Variants in GALNTL6 observed in about 807,000 individuals in gnomAD.
GALNTL6 encodes the protein polypeptide N-acetylgalactosaminyltransferase like 6.
GALNTL6 carries 46 observed loss-of-function variants against 73.7 expected under a neutral mutation model. The observed-to-expected ratio is 0.62, with a 90% CI of 0.49 to 0.80. GALNTL6 has a LOEUF of 0.80. Ranked by LOEUF, GALNTL6 falls within the 30% of genes least tolerant of loss-of-function variation. The probability of loss-of-function intolerance (pLI) is 0.00; values close to 1 mark genes in which losing one functional copy is unlikely to be tolerated. For missense variants in GALNTL6, 604 were observed against 755.0 expected (o/e 0.80, Z 2.34); for synonymous variants, 259 against 263.7 (o/e 0.98, Z 0.17).
chr4:172,041,822 C>A (rs780346316), intron 2 of GALNTL6, among the ~76,000 whole-genome samples: 16 of 151,940 alleles, frequency 1.1e-4, no homozygotes, highest in Non-Finnish European at 1.5e-4. Context: ...GTTTTTGTAT[C>A]CTCTCCTTGA....
At chr4:172,300,785 G>C (rs62329867) in intron 3 of GALNTL6, among the ~76,000 whole-genome samples, 22 of 152,016 alleles carry the variant, frequency 1.4e-4, no homozygotes, top group Non-Finnish European at 2.4e-4. Flanking sequence ...ACCTTTCTCT[G>C]TGGCTGCCCT....
intron 4 of GALNTL6, among the ~76,000 whole-genome samples, chr4:172,339,664 C>G (rs1741491543): frequency 6.6e-6 from 1 of 152,204 alleles, no homozygotes; most frequent in African/African-American, 2.4e-5. Context: ...CTGAGTTTCT[C>G]CAAGCCTCTC....
At position 172,081,632 on chromosome 4, in the gene GALNTL6, G is replaced by A. The variant is rs183125403; in HGVS notation, c.139-148024G>A. Reference sequence around the variant, plus strand: ...CAGCCTGGTGACAGAGCAAGACTCCGTTTCAAAAATAATAACAAATTTTAA... The same window carrying A: ...CAGCCTGGTGACAGAGCAAGACTCCATTTCAAAAATAATAACAAATTTTAA... On this transcript the variant is annotated intron_variant, in intron 2 of 12. Coordinates refer to ENST00000506823, the MANE Select transcript of GALNTL6 (RefSeq NM_001034845.3). Among the ~76,000 whole-genome samples, 10 of 152,194 alleles carry A rather than the reference G, an allele frequency of 6.6e-5. No individual in the cohort carries two copies. In the East Asian group the frequency reaches 1.2e-3, roughly 18 times the overall value.
chr4:172,840,766 T>C (rs1413654008), intron 7 of GALNTL6, among the ~76,000 whole-genome samples: 4 of 152,166 alleles, frequency 2.6e-5, no homozygotes, highest in Non-Finnish European at 5.9e-5. Flanking sequence ...GAGACAAAGA[T>C]ATGTGCTATC....
chr4:172,967,269 G>C (rs908426386), intron 10 of GALNTL6, among the ~76,000 whole-genome samples: 2 of 152,166 alleles, frequency 1.3e-5, no homozygotes, highest in Non-Finnish European at 2.9e-5. Flanking sequence ...TTTGTGTTGA[G>C]ATTTTATTGC....
rs141917618 is a variant in GALNTL6, at chr4:172,809,661, G to GGAA, written c.739+117_739+119dup. ...AGGTCCCTTCTACAAGTTTTCCAGGGGAAGCCTTGAATTTTATATTTACCA... is the reference window on the plus strand; with the variant it reads ...AGGTCCCTTCTACAAGTTTTCCAGGGGAAGAAGCCTTGAATTTTATATTTACCA... On this transcript the variant is annotated intron_variant, in intron 6 of 12. Transcript: ENST00000506823. The surrounding 1 kb of genome is among the most constrained non-coding windows in gnomAD (Gnocchi z 4.4). 2,912 of 739,634 alleles carry GGAA rather than the reference G, an allele frequency of 3.9e-3. 62 individuals carry two copies. In the African/African-American group the frequency reaches 0.045, roughly 11 times the overall value. 45.8% of individuals were successfully genotyped at this position (739,634 alleles called of 1,614,324 possible). A position where few individuals can be genotyped will look rare whatever the true frequency, so the allele number is the denominator to read the frequency against.
At chr4:172,851,579 C>T (rs1743822214) in intron 7 of GALNTL6, among the ~76,000 whole-genome samples, 1 of 152,048 alleles carries the variant, frequency 6.6e-6, no homozygotes, top group African/African-American at 2.4e-5. Context: ...GCCAGGATCA[C>T]ATATTTATTA....
rs1741952884 is a variant in GALNTL6 at position 172,037,254 on chromosome 4, T to C, written c.139-192402T>C. ...TTTATACATGGGTTGTTTAGGATAA[T>C]TAAAAAAATCAATAAACTGCTGAGA... is the stretch of plus-strand genomic sequence containing the variant. On this transcript the variant is annotated intron_variant, in intron 2 of 12. Transcript: ENST00000506823. 2.0e-5 allele frequency among the ~76,000 whole-genome samples: 3 copies of C among 152,260 alleles called. No homozygotes were observed. The South Asian group carries it at 6.2e-4, about 32-fold the overall frequency.
At chr4:171,927,602 C>T (rs1738028745) in intron 2 of GALNTL6, among the ~76,000 whole-genome samples, 1 of 152,016 alleles carries the variant, frequency 6.6e-6, no homozygotes, top group African/African-American at 2.4e-5. Context: ...AGCCTTGGCA[C>T]CCCTTAGTCC....
At chr4:172,700,545 G>A (rs1468463553) in intron 5 of GALNTL6, among the ~76,000 whole-genome samples, 2 of 152,068 alleles carry the variant, frequency 1.3e-5, no homozygotes, top group African/African-American at 4.8e-5. Flanking sequence ...GAGACTCCCA[G>A]AGCTAGTGTG....
intron 5 of GALNTL6, among the ~76,000 whole-genome samples, chr4:172,364,472 A>G (rs1742486340): frequency 6.6e-6 from 1 of 152,110 alleles, no homozygotes; most frequent in Admixed American, 6.6e-5. Context: ...TCTAGCACCC[A>G]TGTCAGGGGA....
rs529104645 is a variant in GALNTL6 at position 171,868,363 on chromosome 4, G to A, written c.138+53645G>A. On this transcript the variant is annotated intron_variant, in intron 2 of 12. Coordinates refer to ENST00000506823, the MANE Select transcript of GALNTL6 (RefSeq NM_001034845.3). ...GCTCCTTACCCTACGATTTTGATTC[G>A]CGTCTGTAAACAATAGATATCTCTT... Among the ~76,000 whole-genome samples the A allele has an allele frequency of 1.1e-4, 16 of 144,282 alleles. No individual in the cohort carries two copies. The South Asian group carries it at 1.4e-3, about 13-fold the overall frequency. 94.7% of individuals were successfully genotyped at this position (144,282 alleles called of 152,430 possible).
intron 8 of GALNTL6, among the ~76,000 whole-genome samples, chr4:172,923,834 ACTCCC>A (rs948329957): frequency 3.0e-4 from 46 of 151,178 alleles, no homozygotes; most frequent in African/African-American, 1.0e-3. Context: ...GTGCAGGAAA[ACTCCC>A]CTTATAGTAA....
chr4:172,012,607 C>T (rs1741048574), intron 2 of GALNTL6, among the ~76,000 whole-genome samples: 1 of 152,042 alleles, frequency 6.6e-6, no homozygotes, highest in Non-Finnish European at 1.5e-5. Context: ...GAGGTTTTCA[C>T]AGCTCATGTG....
intron 5 of GALNTL6, among the ~76,000 whole-genome samples, chr4:172,643,077 T>G (rs1740065271): frequency 6.7e-6 from 1 of 150,180 alleles, no homozygotes; most frequent in African/African-American, 2.5e-5. Flanking sequence ...TAAATTTGGT[T>G]ATTTTAAATG....
At chr4:172,514,081 T>A (rs1418887574) in intron 5 of GALNTL6, among the ~76,000 whole-genome samples, 1 of 152,086 alleles carries the variant, frequency 6.6e-6, no homozygotes, top group African/African-American at 2.4e-5. Flanking sequence ...TCAGCTGTGG[T>A]AGTATAGAAG....
At chr4:171,814,776 G>C in intron 2 of GALNTL6, 58 bp downstream of exon 2, 3 of 1,568,142 alleles carry the variant, frequency 1.9e-6, no homozygotes, top group Non-Finnish European at 2.6e-6. Flanking sequence ...ATCCTCGCGC[G>C]GGGACTCGAG....
intron 5 of GALNTL6, among the ~76,000 whole-genome samples, chr4:172,367,283 A>G (rs1333008070): frequency 6.6e-6 from 1 of 152,174 alleles, no homozygotes; most frequent in African/African-American, 2.4e-5. Context: ...ACAAGGATGA[A>G]AAAGGTTGCT....
At chr4:172,051,109 AC>A (rs1207227339) in intron 2 of GALNTL6, among the ~76,000 whole-genome samples, 4 of 151,460 alleles carry the variant, frequency 2.6e-5, no homozygotes, top group African/African-American at 9.7e-5. Context: ...GAGTTCCCTG[AC>A]CCCCCTACAG....
Sources: allele counts gnomAD v4.1 joint callset (sites outside exome capture counted in the v4.1 genomes callset), GRCh38; gene constraint gnomAD v4.1.1; non-coding constraint Gnocchi (gnomAD v3.1); transcripts MANE v1.5; gene names NCBI Gene and HGNC (gene_info 2026-07-23, HGNC 2026-07-21).